The following KLHL7 variants were observed in gnomAD, a reference collection of about 807,000 sequenced individuals.
KLHL7 encodes the protein kelch-like protein 7.
In KLHL7, 44 loss-of-function variants were observed where a neutral mutation model predicts 67.4. That is an observed-to-expected ratio of 0.65 (90% CI 0.51 to 0.84). KLHL7 has a LOEUF of 0.84. KLHL7 is among the 40% of genes least tolerant of loss of function. The pLI, the probability that KLHL7 is intolerant of heterozygous loss-of-function variation, is 0.00. For synonymous variants in KLHL7, 252 were observed against 243.3 expected (o/e 1.04, Z -0.33); for missense variants, 362 against 718.1 (o/e 0.50, Z 5.67).
intron 1 of KLHL7, among the ~76,000 whole-genome samples, chr7:23,107,240 T>G (rs1237582638): frequency 6.6e-6 from 1 of 152,240 alleles, no homozygotes. Flanking sequence ...TGTGCTGAAG[T>G]ACTGTGAATG....
chr7:23,126,226 G>A (rs916419007), intron 4 of KLHL7, among the ~76,000 whole-genome samples: 9 of 152,180 alleles, frequency 5.9e-5, no homozygotes, highest in South Asian at 4.1e-4. Flanking sequence ...TTCTGTCCCA[G>A]GCAGGATGGA....
rs1785270172 is a variant in KLHL7 at position 23,175,225 on chromosome 7, A to G, written c.*927A>G. On this transcript the variant is annotated 3_prime_UTR_variant, in exon 11 of 11. Coordinates refer to ENST00000339077, the MANE Select transcript of KLHL7 (RefSeq NM_001031710.3). Reference sequence around the variant, plus strand: ...AATATTTAACCTAGTTGTCTCTAAAAGTTTTGTAATCATGAGTTAGATATA... The same window carrying G: ...AATATTTAACCTAGTTGTCTCTAAAGGTTTTGTAATCATGAGTTAGATATA... 1 of 454,066 alleles carries G rather than the reference A, an allele frequency of 2.2e-6. No homozygotes were observed. Among genetic ancestry groups the G allele is most frequent in the Non-Finnish European group, 4.4e-6 (1 of 226,768 alleles). 28.1% of individuals were successfully genotyped at this position (454,066 alleles called of 1,614,324 possible). A position where few individuals can be genotyped will look rare whatever the true frequency, so the allele number is the denominator to read the frequency against.
At chr7:23,140,993 G>A in intron 5 of KLHL7, 49 bp downstream of exon 5, 1 of 1,498,802 alleles carries the variant, frequency 6.7e-7, no homozygotes, top group South Asian at 1.1e-5. Flanking sequence ...TGTCTTTATT[G>A]GTTTCTTAAA....
intron 4 of KLHL7, among the ~76,000 whole-genome samples, chr7:23,134,101 T>G (rs1783892560): frequency 6.6e-6 from 1 of 152,184 alleles, no homozygotes; most frequent in Non-Finnish European, 1.5e-5. Context: ...GTATATGGCT[T>G]TTATTATGTT....
chr7:23,172,251 A>G (rs974470114), intron 9 of KLHL7: 2 of 449,996 alleles, frequency 4.4e-6, no homozygotes, highest in South Asian at 1.6e-5. Flanking sequence ...TTGTCTGTGT[A>G]TATATGCATA....
chr7:23,107,330 A>G (rs1782685221), intron 1 of KLHL7, among the ~76,000 whole-genome samples: 1 of 152,220 alleles, frequency 6.6e-6, no homozygotes, highest in Admixed American at 6.5e-5. Flanking sequence ...ACCTTTTTGT[A>G]TCTACAATAC....
At position 23,177,060 on chromosome 7, in the gene KLHL7, T is replaced by C. The variant is rs1482516909; in HGVS notation, c.*2762T>C. On this transcript the variant is annotated 3_prime_UTR_variant, in exon 11 of 11. Coordinates refer to ENST00000339077, the MANE Select transcript of KLHL7 (RefSeq NM_001031710.3). ...TAATTACACCTGTAAAGACCCCATTTCCAAACGAGGACACATTCTGAGCTT... is the reference window on the plus strand; with the variant it reads ...TAATTACACCTGTAAAGACCCCATTCCCAAACGAGGACACATTCTGAGCTT... 1 of 152,166 alleles carries C rather than the reference T, an allele frequency of 6.6e-6. No homozygotes were observed. Among genetic ancestry groups the C allele is most frequent in the African/African-American group, 2.4e-5 (1 of 41,426 alleles). 9.4% of individuals were successfully genotyped at this position (152,166 alleles called of 1,614,324 possible).
intron 7 of KLHL7, among the ~76,000 whole-genome samples, chr7:23,164,357 T>C (rs999983056): frequency 3.9e-5 from 6 of 152,212 alleles, no homozygotes; most frequent in Admixed American, 3.3e-4. Flanking sequence ...GTATTATGAG[T>C]AGATATGAAG....
At chr7:23,125,719 C>T (rs549040998) in intron 4 of KLHL7, 1 of 1,451,716 alleles carries the variant, frequency 6.9e-7, no homozygotes, top group Non-Finnish European at 9.1e-7. Context: ...CTGCTATAGC[C>T]ATTTTGAAGC....
intron 6 of KLHL7, among the ~76,000 whole-genome samples, chr7:23,148,945 C>A (rs190620708): frequency 6.6e-6 from 1 of 152,224 alleles, no homozygotes; most frequent in Non-Finnish European, 1.5e-5. Context: ...AGCTTTGGGG[C>A]CTGGGCAGAG....
chr7:23,144,145 C>A (rs961299074), intron 6 of KLHL7, 120 bp downstream of exon 6: 13 of 867,896 alleles, frequency 1.5e-5, no homozygotes, highest in Admixed American at 1.4e-4. Flanking sequence ...TTTTGCTCTT[C>A]TAGATAGTTA....
chr7:23,111,137 GA>G (rs1027206312), intron 1 of KLHL7, among the ~76,000 whole-genome samples: 11 of 152,140 alleles, frequency 7.2e-5, no homozygotes, highest in African/African-American at 2.7e-4. Context: ...ATGGTACAAC[GA>G]GGGCATATGG....
intron 1 of KLHL7, 72 bp downstream of exon 1, chr7:23,106,218 G>C (rs1005786): frequency 0.48 from 757,904 of 1,570,128 alleles, 191,373 homozygotes; most frequent in African/African-American, 0.88. Context: ...TTCCCGGGGT[G>C]GAACCCCGCG....
At chr7:23,153,386 C>T (rs906397014) in intron 7 of KLHL7, among the ~76,000 whole-genome samples, 2 of 152,172 alleles carry the variant, frequency 1.3e-5, no homozygotes, top group African/African-American at 2.4e-5. Context: ...TGAAGGGCTA[C>T]TGGATAAGCA....
At chr7:23,144,149 AT>A (rs1784280271) in intron 6 of KLHL7, 124 bp downstream of exon 6, 1 of 835,752 alleles carries the variant, frequency 1.2e-6, no homozygotes, top group East Asian at 2.6e-5. Flanking sequence ...GCTCTTCTAG[AT>A]AGTTAATCCC....
intron 6 of KLHL7, among the ~76,000 whole-genome samples, chr7:23,150,516 C>A (rs879609427): frequency 2.6e-5 from 4 of 152,102 alleles, no homozygotes; most frequent in Non-Finnish European, 4.4e-5. Context: ...TCATTCCATG[C>A]GTACATACTA....
At chr7:23,130,702 A>G (rs1211205699) in intron 4 of KLHL7, among the ~76,000 whole-genome samples, 2 of 152,198 alleles carry the variant, frequency 1.3e-5, no homozygotes, top group African/African-American at 4.8e-5. Flanking sequence ...TTAGAAATGT[A>G]TGTTTTAAGA....
At chr7:23,116,910 ATTAC>A (rs2128458047) in intron 1 of KLHL7, among the ~76,000 whole-genome samples, 1 of 152,230 alleles carries the variant, frequency 6.6e-6, no homozygotes, top group East Asian at 1.9e-4. Context: ...CACCTTGAAA[ATTAC>A]TTAATAATGC....
At chr7:23,148,621 C>G (rs1045802008) in intron 6 of KLHL7, among the ~76,000 whole-genome samples, 2 of 152,164 alleles carry the variant, frequency 1.3e-5, no homozygotes, top group African/African-American at 4.8e-5. Context: ...TGCCCAATTC[C>G]CAAACTGTGT....
Sources: allele counts gnomAD v4.1 joint callset (sites outside exome capture counted in the v4.1 genomes callset), GRCh38; gene constraint gnomAD v4.1.1; transcripts MANE v1.5; gene names NCBI Gene and HGNC (gene_info 2026-07-23, HGNC 2026-07-21).